Variants in SLC14A2 observed in about 807,000 individuals in gnomAD.
SLC14A2 encodes urea transporter 2.
SLC14A2 carries 91 observed loss-of-function variants against 104.6 expected under a neutral mutation model. The observed-to-expected ratio is 0.87, with a 90% CI of 0.73 to 1.04. SLC14A2 has a LOEUF of 1.04. Ranked by LOEUF, SLC14A2 falls within the 50% of genes least tolerant of loss-of-function variation. SLC14A2 has a pLI of 0.00. For synonymous variants in SLC14A2, 476 were observed against 466.4 expected (o/e 1.02, Z -0.27); for missense variants, 1,189 against 1,156.0 (o/e 1.03, Z -0.41).
At chr18:45,221,544 G>A (rs868159291) in intron 1 of SLC14A2, among the ~76,000 whole-genome samples, 4 of 152,216 alleles carry the variant, frequency 2.6e-5, no homozygotes, top group Middle Eastern at 6.8e-3. Flanking sequence ...CCCTCATCTG[G>A]AACATATTTC....
At chr18:45,244,433 C>A (rs1171944566) in intron 1 of SLC14A2, among the ~76,000 whole-genome samples, 1 of 152,136 alleles carries the variant, frequency 6.6e-6, no homozygotes, top group Admixed American at 6.5e-5. Flanking sequence ...TTGAGACCAA[C>A]CTGGCCAACA....
intron 1 of SLC14A2, among the ~76,000 whole-genome samples, chr18:45,310,737 G>GT (rs2085070249): frequency 6.6e-6 from 1 of 152,232 alleles, no homozygotes. Flanking sequence ...AGCAAGATAT[G>GT]TAATCATGGG....
intron 1 of SLC14A2, among the ~76,000 whole-genome samples, chr18:45,425,996 C>T (rs1328413433): frequency 3.9e-5 from 4 of 101,300 alleles, no homozygotes; most frequent in Non-Finnish European, 6.5e-5. Flanking sequence ...TTGAACTACT[C>T]ACAACTCTCT....
At chr18:45,519,370 G>C (rs755026788) in intron 2 of SLC14A2, among the ~76,000 whole-genome samples, 16 of 152,204 alleles carry the variant, frequency 1.1e-4, no homozygotes, top group Non-Finnish European at 2.1e-4. Flanking sequence ...TCTTGTAGGA[G>C]ATGGAATGCT....
the SLC14A2 span, among the ~76,000 whole-genome samples, chr18:45,200,549 C>T: frequency 6.6e-6 from 1 of 151,946 alleles, no homozygotes; most frequent in African/African-American, 2.4e-5. Context: ...ATTTTTCTAC[C>T]ATAGAATTTG....
At chr18:45,679,972 T>C (rs1167097521) in intron 19 of SLC14A2, among the ~76,000 whole-genome samples, 1 of 152,186 alleles carries the variant, frequency 6.6e-6, no homozygotes, top group East Asian at 1.9e-4. Context: ...GACCTCATCA[T>C]ATTATCTTTA....
chr18:45,305,272 G>A (rs986772106), intron 1 of SLC14A2, among the ~76,000 whole-genome samples: 3 of 152,212 alleles, frequency 2.0e-5, no homozygotes, highest in Non-Finnish European at 4.4e-5. Context: ...TATTTAGGGG[G>A]CACCCAAGGG....
chr18:45,427,750 G>A (rs909698404), intron 1 of SLC14A2, among the ~76,000 whole-genome samples: 2 of 152,232 alleles, frequency 1.3e-5, no homozygotes, highest in Admixed American at 6.5e-5. Context: ...GGGAAGAAAC[G>A]GATGTGAGGA....
At position 45,405,824 on chromosome 18, in the gene SLC14A2, A is replaced by C. The variant is rs528478784; in HGVS notation, c.-124-77409A>C. On this transcript the variant is annotated intron_variant, in intron 1 of 20. Coordinates refer to the SLC14A2 transcript ENST00000586448. ...TGAGGCAGGAGAATTGCTTGAACCC[A>C]GAAGATGGAGGTTGCAGTGAGCTGA... Among the ~76,000 whole-genome samples, 297 of 151,382 alleles carry C rather than the reference A, an allele frequency of 2.0e-3. 5 individuals carry two copies. Among genetic ancestry groups the C allele is most frequent in the African/African-American group, 6.7e-3 (278 of 41,242 alleles).
chr18:45,197,690 G>A, the SLC14A2 span, among the ~76,000 whole-genome samples: 1 of 152,186 alleles, frequency 6.6e-6, no homozygotes, highest in African/African-American at 2.4e-5. Flanking sequence ...CTCTTGAGCA[G>A]CACTACAGAA....
At chr18:45,378,367 T>A (rs552547497) in intron 1 of SLC14A2, among the ~76,000 whole-genome samples, 7 of 152,218 alleles carry the variant, frequency 4.6e-5, no homozygotes, top group Non-Finnish European at 1.0e-4. Context: ...GAAGAATCTA[T>A]GAGCTGTTAT....
At chr18:45,580,663 C>T (rs1169583227) in intron 2 of SLC14A2, among the ~76,000 whole-genome samples, 2 of 152,054 alleles carry the variant, frequency 1.3e-5, no homozygotes, top group East Asian at 1.9e-4. Context: ...ATCATAGCAG[C>T]CATATATTGC....
chr18:45,343,227 G>A (rs1178570909), intron 1 of SLC14A2, among the ~76,000 whole-genome samples: 1 of 151,138 alleles, frequency 6.6e-6, no homozygotes, highest in Non-Finnish European at 1.5e-5. Flanking sequence ...ATTTATTGAA[G>A]GTTGCATTGT....
chr18:45,571,427 G>T (rs1333056373), intron 2 of SLC14A2, among the ~76,000 whole-genome samples: 1 of 152,208 alleles, frequency 6.6e-6, no homozygotes, highest in African/African-American at 2.4e-5. Context: ...ATGCCACAAA[G>T]CCCTCTAGTT....
At chr18:45,310,256 A>G (rs568814118) in intron 1 of SLC14A2, among the ~76,000 whole-genome samples, 56 of 152,280 alleles carry the variant, frequency 3.7e-4, no homozygotes, top group African/African-American at 1.3e-3. Context: ...AACTTTAGCA[A>G]TTTTATCGGA....
At chr18:45,333,363 A>G (rs1171009138) in intron 1 of SLC14A2, among the ~76,000 whole-genome samples, 1 of 152,226 alleles carries the variant, frequency 6.6e-6, no homozygotes, top group Non-Finnish European at 1.5e-5. Context: ...AGGAGTTATT[A>G]TACTAGAAAA....
chr18:45,522,784 A>G (rs7234863), intron 2 of SLC14A2, among the ~76,000 whole-genome samples: 45,101 of 152,022 alleles, frequency 0.3, 7,793 homozygotes, highest in African/African-American at 0.47. Flanking sequence ...TCAGGCTCTC[A>G]TTGGATTCCC....
chr18:45,548,792 G>C (rs1333237345), intron 2 of SLC14A2, among the ~76,000 whole-genome samples: 1 of 152,234 alleles, frequency 6.6e-6, no homozygotes, highest in East Asian at 1.9e-4. Flanking sequence ...ACAAGCTGAA[G>C]TTTACACAGG....
chr18:45,432,223 G>A (rs984442344), intron 1 of SLC14A2, among the ~76,000 whole-genome samples: 5 of 152,048 alleles, frequency 3.3e-5, no homozygotes, highest in Admixed American at 6.6e-5. Flanking sequence ...AACCCTCCCC[G>A]TACAGTGTTC....
Sources: allele counts gnomAD v4.1 joint callset (sites outside exome capture counted in the v4.1 genomes callset), GRCh38; gene constraint gnomAD v4.1.1; transcripts MANE v1.5; gene names NCBI Gene and HGNC (gene_info 2026-07-23, HGNC 2026-07-21).